ARHGAP21: variants seen among roughly 807,000 people sequenced by gnomAD.
ARHGAP21 encodes rho GTPase-activating protein 21.
Under a neutral mutation model 164.6 loss-of-function variants are expected in ARHGAP21, and 38 were observed. The ratio of observed to expected loss-of-function variants is 0.23; its 90% CI spans 0.18 to 0.30. ARHGAP21 has a LOEUF of 0.30. Ranked by LOEUF, ARHGAP21 falls within the 10% of genes least tolerant of loss-of-function variation. The probability of loss-of-function intolerance (pLI) is 1.00; values close to 1 mark genes in which losing one functional copy is unlikely to be tolerated. For missense variants in ARHGAP21, 1,822 were observed against 2,370.7 expected, an observed-to-expected ratio of 0.77 and a Z score of 4.81; for synonymous variants, 766 against 857.9, an observed-to-expected ratio of 0.89 and a Z score of 1.87.
chr10:24,678,322 T>C (rs1841468293), intron 2 of ARHGAP21, among the ~76,000 whole-genome samples: 2 of 152,144 alleles, frequency 1.3e-5, no homozygotes, highest in Non-Finnish European at 2.9e-5. Context: ...ATTATGTAAG[T>C]GTATATACCC....
chr10:24,689,076 T>C (rs922038804), intron 2 of ARHGAP21, among the ~76,000 whole-genome samples: 3 of 152,110 alleles, frequency 2.0e-5, no homozygotes, highest in Admixed American at 1.3e-4. Flanking sequence ...TTTAAAATCA[T>C]AGATCTAGTT....
intron 19 of ARHGAP21, 52 bp downstream of exon 19, chr10:24,595,665 C>T (rs2076550561): frequency 2.0e-6 from 3 of 1,535,878 alleles, no homozygotes; most frequent in African/African-American, 2.8e-5. Flanking sequence ...TATGGTTTTC[C>T]AATTGTAACT....
At chr10:24,684,969 T>C (rs1264163931) in intron 2 of ARHGAP21, among the ~76,000 whole-genome samples, 1 of 152,130 alleles carries the variant, frequency 6.6e-6, no homozygotes, top group Non-Finnish European at 1.5e-5. Context: ...ATGACTGATA[T>C]TCGGACTGCT....
In ARHGAP21 at chr10:24,640,447, T is replaced by C. The variant is rs140040454; in HGVS notation, c.269-5344A>G. Reference sequence around the variant, plus strand: ...ATGAGACTTATTTCAAAAAATGGTATTTTTTCCATTGGTTTCTTTGTTGCC... The same window carrying C: ...ATGAGACTTATTTCAAAAAATGGTACTTTTTCCATTGGTTTCTTTGTTGCC... On this transcript the variant is annotated intron_variant, in intron 4 of 25. Transcript: ENST00000396432. Among the ~76,000 whole-genome samples, 861 of 152,218 alleles carry C rather than the reference T, an allele frequency of 5.7e-3. 8 individuals carry two copies. The highest frequency in any genetic ancestry group is 0.019 in the African/African-American group (805 of 41,548).
chr10:24,711,399 T>C (rs938559235), intron 2 of ARHGAP21, among the ~76,000 whole-genome samples: 2 of 151,896 alleles, frequency 1.3e-5, no homozygotes, highest in African/African-American at 2.4e-5. Context: ...GGCCCAACTA[T>C]AATCAATCTT....
intron 2 of ARHGAP21, among the ~76,000 whole-genome samples, chr10:24,682,101 A>G (rs1841819915): frequency 6.6e-6 from 1 of 151,958 alleles, no homozygotes; most frequent in Non-Finnish European, 1.5e-5. Flanking sequence ...TAGTACACGC[A>G]CTATTTAACT....
At chr10:24,646,637 T>C (rs537417389) in intron 4 of ARHGAP21, among the ~76,000 whole-genome samples, 125 of 152,224 alleles carry the variant, frequency 8.2e-4, no homozygotes, top group African/African-American at 2.7e-3. Flanking sequence ...TGGCTCAGCA[T>C]GGTAGCTTGG....
chr10:24,635,285 C>T (rs1836258451), intron 4 of ARHGAP21, among the ~76,000 whole-genome samples, 182 bp from the exon 5 acceptor site: 1 of 152,126 alleles, frequency 6.6e-6, no homozygotes, highest in African/African-American at 2.4e-5. Context: ...ATTTATTTTG[C>T]TTCTTCCATA....
intron 2 of ARHGAP21, among the ~76,000 whole-genome samples, chr10:24,681,408 A>T (rs1255013708): frequency 6.6e-6 from 1 of 152,226 alleles, no homozygotes; most frequent in Non-Finnish European, 1.5e-5. Flanking sequence ...ACAAAAGTAA[A>T]TGCAAGGGAA....
intron 3 of ARHGAP21, among the ~76,000 whole-genome samples, chr10:24,668,986 CGTAA>C (rs1327849958): frequency 6.6e-6 from 1 of 152,064 alleles, no homozygotes; most frequent in Non-Finnish European, 1.5e-5. Context: ...TGACCTAATG[CGTAA>C]GTAACACTAT....
chr10:24,672,184 T>C (rs1223684920), intron 2 of ARHGAP21, among the ~76,000 whole-genome samples: 2 of 152,170 alleles, frequency 1.3e-5, no homozygotes, highest in African/African-American at 4.8e-5. Context: ...GGCTTTTATC[T>C]GCCTGACTCC....
At chr10:24,695,233 G>A (rs1843077499) in intron 2 of ARHGAP21, among the ~76,000 whole-genome samples, 1 of 152,108 alleles carries the variant, frequency 6.6e-6, no homozygotes, top group Admixed American at 6.5e-5. Flanking sequence ...CCCTACCCTT[G>A]AGTGTGGGCT....
At chr10:24,702,676 T>C (rs1184822517) in intron 2 of ARHGAP21, among the ~76,000 whole-genome samples, 2 of 152,032 alleles carry the variant, frequency 1.3e-5, no homozygotes, top group Non-Finnish European at 2.9e-5. Flanking sequence ...AACCTCCACT[T>C]CCCCGGCTCA....
intron 4 of ARHGAP21, among the ~76,000 whole-genome samples, chr10:24,663,641 G>C (rs1387536503): frequency 6.6e-6 from 1 of 152,280 alleles, no homozygotes; most frequent in African/African-American, 2.4e-5. Flanking sequence ...CGATTCTCCT[G>C]CTTCAGCCTC....
chr10:24,663,685 C>A (rs1347257788), intron 4 of ARHGAP21, among the ~76,000 whole-genome samples: 1 of 152,134 alleles, frequency 6.6e-6, no homozygotes, highest in Non-Finnish European at 1.5e-5. Context: ...TGCATCCCCA[C>A]CCCTGGCTAA....
intron 2 of ARHGAP21, 83 bp downstream of exon 2, chr10:24,721,754 C>T (rs777671891): frequency 4.5e-5 from 68 of 1,519,942 alleles, no homozygotes; most frequent in Non-Finnish European, 5.8e-5. Flanking sequence ...AGTGAGGCCC[C>T]GTGGCCGGTA....
Position 24,622,732 on chromosome 10 carries a change from C to T in ARHGAP21, c.525+1G>A, listed in dbSNP as rs1241456514. On this transcript the variant is annotated splice_donor_variant, in intron 8 of 25. Coordinates refer to ENST00000396432, the MANE Select transcript of ARHGAP21 (RefSeq NM_020824.4). LOFTEE classifies it high-confidence loss of function. ...GGAAATGGCTACTGTGCATTTCTTA[C>T]CAGTGCTGTGACATCCTTTGTAAAC... 1 of 1,610,526 alleles carries T rather than the reference C, an allele frequency of 6.2e-7. No homozygotes were observed. The highest frequency in any genetic ancestry group is 1.1e-5 in the South Asian group (1 of 90,454).
intron 2 of ARHGAP21, among the ~76,000 whole-genome samples, chr10:24,684,928 C>T (rs748283568): frequency 2.0e-5 from 3 of 152,122 alleles, no homozygotes; most frequent in Admixed American, 6.6e-5. Context: ...CGTGAGCCAC[C>T]GCGCCCGGCC....
intron 2 of ARHGAP21, among the ~76,000 whole-genome samples, chr10:24,706,008 A>C (rs1044748289): frequency 6.6e-6 from 1 of 152,242 alleles, no homozygotes. Flanking sequence ...ATTGCAAAAT[A>C]ACCATTTTCT....
Sources: gnomAD v4.1 joint callset for allele counts (sites outside exome capture counted in the v4.1 genomes callset) on GRCh38, gnomAD v4.1.1 for gene constraint, MANE v1.5 for transcripts, NCBI Gene and HGNC (gene_info 2026-07-23, HGNC 2026-07-21) for gene names.